Variants in ATP8A2 observed in about 807,000 individuals in gnomAD.
The protein encoded by ATP8A2 is phospholipid-transporting ATPase IB.
A neutral mutation model predicts 165.6 loss-of-function variants in ATP8A2; 100 were observed. The ratio of observed to expected loss-of-function variants is 0.60; its 90% CI spans 0.51 to 0.71. The LOEUF (loss-of-function observed/expected upper bound fraction) is 0.71, where lower values mean the gene tolerates loss of function less well. Among genes scored for constraint, ATP8A2 ranks in the 30% least tolerant of loss-of-function variants. The pLI, the probability that ATP8A2 is intolerant of heterozygous loss-of-function variation, is 0.00. For missense variants in ATP8A2, 1,227 were observed against 1,479.5 expected, an observed-to-expected ratio of 0.83 and a Z score of 2.80; for synonymous variants, 543 against 548.8, an observed-to-expected ratio of 0.99 and a Z score of 0.15.
At chr13:25,579,700 A>C in intron 21 of ATP8A2, 108 bp from the exon 22 acceptor site, 1 of 1,246,440 alleles carries the variant, frequency 8.0e-7, no homozygotes, top group Non-Finnish European at 1.1e-6. Context: ...CCTAAAGCAC[A>C]GAGTCTCTTC....
chr13:25,887,893 A>G (rs1315940269), intron 33 of ATP8A2, among the ~76,000 whole-genome samples: 1 of 152,136 alleles, frequency 6.6e-6, no homozygotes, highest in Non-Finnish European at 1.5e-5. Flanking sequence ...TTGAATCTCA[A>G]TGGAATACTT....
Position 25,979,085 on chromosome 13 carries a change from GTCTCTGTCACCATTTATGTA to G in ATP8A2, c.3377+10408_3377+10427del, listed in dbSNP as rs879830590. ...TAGTGACTAGTCTCTGTCACTAGTG[GTCTCTGTCACCATTTATGTA>G]TACACTAGTTCTGTAAAGCCAGCAC... On this transcript the variant is annotated intron_variant, in intron 35 of 36. Coordinates refer to ENST00000381655, the MANE Select transcript of ATP8A2 (RefSeq NM_016529.6). 6.4e-3 allele frequency among the ~76,000 whole-genome samples: 975 copies of G among 151,542 alleles called. 5 individuals carry two copies. Among genetic ancestry groups the G allele is most frequent in the Middle Eastern group, 0.027 (8 of 294 alleles).
chr13:26,010,166 G>A (rs1235950151), intron 35 of ATP8A2, among the ~76,000 whole-genome samples: 1 of 152,226 alleles, frequency 6.6e-6, no homozygotes, highest in Non-Finnish European at 1.5e-5. Flanking sequence ...CAGGAGCCCT[G>A]CCAGCAAAGC....
intron 24 of ATP8A2, among the ~76,000 whole-genome samples, chr13:25,695,762 C>A (rs1264910515): frequency 1.3e-5 from 2 of 152,188 alleles, no homozygotes; most frequent in Non-Finnish European, 2.9e-5. Flanking sequence ...TCTCCCGTTG[C>A]TTCTACCACA....
chr13:25,850,953 G>C (rs1355101363), intron 30 of ATP8A2, among the ~76,000 whole-genome samples: 1 of 152,128 alleles, frequency 6.6e-6, no homozygotes, highest in Non-Finnish European at 1.5e-5. Context: ...TAGTCCCCAG[G>C]GTTTCCCTAC....
Position 25,551,568 on chromosome 13 carries a change from C to A in ATP8A2, c.1057+65C>A, listed in dbSNP as rs1040870051. The A allele has an allele frequency of 2.7e-6, 4 of 1,508,868 alleles. No individual in the cohort carries two copies. The East Asian group carries it at 9.1e-5, about 34-fold the overall frequency. The allele number at this position is 1,508,868 out of a possible 1,614,324, so 93.5% of individuals were successfully genotyped here. On this transcript the variant is annotated intron_variant, in intron 11 of 36. Coordinates refer to ENST00000381655, the MANE Select transcript of ATP8A2 (RefSeq NM_016529.6). ...ACCATTTTTGAGATGTTCTTGCAGC[C>A]ATGGTTGAAGTGTGGTGTCCCTGCT... is the stretch of plus-strand genomic sequence containing the variant.
At chr13:25,966,526 T>C (rs576722001) in intron 34 of ATP8A2, among the ~76,000 whole-genome samples, 3 of 152,338 alleles carry the variant, frequency 2.0e-5, no homozygotes, top group South Asian at 4.1e-4. Context: ...GTTAAATGCA[T>C]GCAGAAAGAG....
intron 33 of ATP8A2, among the ~76,000 whole-genome samples, chr13:25,937,505 A>C (rs2139093440): frequency 6.6e-6 from 1 of 150,784 alleles, no homozygotes; most frequent in East Asian, 1.9e-4. Context: ...AAATATAAGA[A>C]GACAGTTCTA....
chr13:25,423,245 A>T (rs576813889), intron 1 of ATP8A2, among the ~76,000 whole-genome samples: 2 of 152,192 alleles, frequency 1.3e-5, no homozygotes, highest in Non-Finnish European at 2.9e-5. Flanking sequence ...ATCAGATTAA[A>T]CATTATTAGC....
chr13:25,645,269 G>A (rs923203546), intron 24 of ATP8A2, among the ~76,000 whole-genome samples: 2 of 152,140 alleles, frequency 1.3e-5, no homozygotes, highest in African/African-American at 4.8e-5. Context: ...CAGATCTTGT[G>A]AGACTATTCA....
At chr13:25,490,713 A>G (rs892332938) in intron 2 of ATP8A2, among the ~76,000 whole-genome samples, 1 of 77,326 alleles carries the variant, frequency 1.3e-5, no homozygotes, top group Admixed American at 1.7e-4. Flanking sequence ...CGTGACTACT[A>G]ATTAGTTTTT....
At chr13:25,731,060 A>G (rs2043612074) in intron 25 of ATP8A2, among the ~76,000 whole-genome samples, 1 of 151,674 alleles carries the variant, frequency 6.6e-6, no homozygotes, top group Non-Finnish European at 1.5e-5. Context: ...GTCGCAAAAA[A>G]GAAGGAGAGG....
chr13:26,011,444 T>C (rs1190042848), intron 35 of ATP8A2, among the ~76,000 whole-genome samples: 1 of 152,134 alleles, frequency 6.6e-6, no homozygotes, highest in East Asian at 1.9e-4. Context: ...TGTTTCCAAA[T>C]ACAGTCCCAT....
At chr13:25,932,613 G>A (rs561010857) in intron 33 of ATP8A2, among the ~76,000 whole-genome samples, 2 of 152,312 alleles carry the variant, frequency 1.3e-5, no homozygotes, top group East Asian at 1.9e-4. Context: ...GCCAAAGTAA[G>A]CACACAAAGG....
rs139613697 is a variant in ATP8A2, at chr13:25,771,023, G to A, written c.2568+1794G>A. 1.6e-4 allele frequency among the ~76,000 whole-genome samples: 25 copies of A among 152,304 alleles called. 1 individual carries two copies. The highest frequency in any genetic ancestry group is 5.8e-4 in the African/African-American group (24 of 41,558). ...GGCTCTGTGTTAGATCACCTCTCAG[G>A]TTTCTTCTCAGCTCACAGTTCTGCA... On this transcript the variant is annotated intron_variant, in intron 26 of 36. Transcript: ENST00000381655.
chr13:25,594,976 G>T (rs2040194966), intron 24 of ATP8A2, among the ~76,000 whole-genome samples: 1 of 87,460 alleles, frequency 1.1e-5, no homozygotes. Flanking sequence ...ACTGTGGTGT[G>T]TGTGTGTGTA....
chr13:25,513,381 C>T (rs1408805987), intron 2 of ATP8A2, among the ~76,000 whole-genome samples: 1 of 151,622 alleles, frequency 6.6e-6, no homozygotes. Flanking sequence ...AGAGACGCTT[C>T]TCACTTCCTA....
chr13:25,952,534 A>C (rs1213599692), intron 33 of ATP8A2, among the ~76,000 whole-genome samples: 1 of 151,892 alleles, frequency 6.6e-6, no homozygotes, highest in Non-Finnish European at 1.5e-5. Context: ...GCGCACTACC[A>C]CACCCAGCTA....
chr13:25,992,319 C>CATCT lies in ATP8A2; in HGVS notation c.3378-20211_3378-20208dup, dbSNP rs1956412438. ...TTTTCCTAATGGTTAATGATGTGAA[C>CATCT]ATCTTTTCATGTGTTTATTTGCCAA... On this transcript the variant is annotated intron_variant, in intron 35 of 36. Coordinates refer to ENST00000381655, the MANE Select transcript of ATP8A2 (RefSeq NM_016529.6). 3.4e-5 allele frequency among the ~76,000 whole-genome samples: 5 copies of CATCT among 149,118 alleles called. No homozygotes were observed. In the South Asian group the frequency reaches 1.1e-3, roughly 32 times the overall value.
Sources: allele counts gnomAD v4.1 joint callset (sites outside exome capture counted in the v4.1 genomes callset), GRCh38; gene constraint gnomAD v4.1.1; transcripts MANE v1.5; gene names NCBI Gene and HGNC (gene_info 2026-07-23, HGNC 2026-07-21).